GRIA3: variants seen among roughly 807,000 people sequenced by gnomAD.
GRIA3 encodes glutamate ionotropic receptor AMPA type subunit 3.
A neutral mutation model predicts 63.0 loss-of-function variants in GRIA3; 3 were observed. The observed-to-expected ratio is 0.05, with a 90% CI of 0.02 to 0.12. The LOEUF is 0.12. Ranked by LOEUF, GRIA3 falls within the 10% of genes least tolerant of loss-of-function variation. The probability of loss-of-function intolerance (pLI) is 1.00; values close to 1 mark genes in which losing one functional copy is unlikely to be tolerated. For synonymous variants in GRIA3, 274 were observed against 257.9 expected (o/e 1.06, Z -0.60); for missense variants, 347 against 700.9 (o/e 0.50, Z 5.70).
chrX:123,366,492 G>A (rs937678437), intron 5 of GRIA3, among the ~76,000 whole-genome samples: 3 of 111,568 alleles, frequency 2.7e-5, no homozygotes, highest in Admixed American at 9.5e-5. Context: ...TATGTCAAGG[G>A]CCATTTATAA....
At chrX:123,452,679 A>G (rs1345531466) in intron 12 of GRIA3, among the ~76,000 whole-genome samples, 1 of 112,166 alleles carries the variant, frequency 8.9e-6, no homozygotes, top group Non-Finnish European at 1.9e-5. Context: ...AAATAAAAAT[A>G]CATTTAATCC....
chrX:123,343,772 T>C (rs1046300009), intron 4 of GRIA3, among the ~76,000 whole-genome samples: 78 of 108,748 alleles, frequency 7.2e-4, no homozygotes, highest in African/African-American at 2.5e-3. Context: ...ATTTTTTTTT[T>C]TTTTTTAGAG....
At chrX:123,297,987 G>A (rs2044696948) in intron 3 of GRIA3, among the ~76,000 whole-genome samples, 1 of 110,864 alleles carries the variant, frequency 9.0e-6, no homozygotes, top group Non-Finnish European at 1.9e-5. Flanking sequence ...TTGTTTTTCT[G>A]TTCCTGTGTT....
At chrX:123,341,362 A>C (rs762005560) in intron 4 of GRIA3, among the ~76,000 whole-genome samples, 11 of 111,654 alleles carry the variant, frequency 9.9e-5, no homozygotes, top group Non-Finnish European at 1.9e-4. Flanking sequence ...CCATTGTACA[A>C]ATTCTTATTA....
Position 123,266,493 on chromosome X carries a change from A to G in GRIA3, c.508+12951A>G, listed in dbSNP as rs186200345. On this transcript the variant is annotated intron_variant, in intron 3 of 15. Transcript: ENST00000620443. ...ATCTCATCACCAAAGACCTTCGTCT[A>G]CGTTTCCACTGCCACTGACTCAAGC... Among the ~76,000 whole-genome samples the G allele has an allele frequency of 4.8e-3, 538 of 111,353 alleles. 1 individual carries two copies. Among genetic ancestry groups the G allele is most frequent in the Non-Finnish European group, 7.4e-3 (390 of 52,967 alleles).
intron 4 of GRIA3, among the ~76,000 whole-genome samples, chrX:123,342,517 G>A (rs921410541): frequency 3.6e-5 from 4 of 111,972 alleles, no homozygotes; most frequent in African/African-American, 1.3e-4. Flanking sequence ...ATTCAGACAA[G>A]GATCAAAATA....
intron 12 of GRIA3, among the ~76,000 whole-genome samples, chrX:123,438,680 G>A (rs1393697715): frequency 3.6e-5 from 4 of 111,418 alleles, no homozygotes; most frequent in Non-Finnish European, 7.5e-5. Flanking sequence ...ATGCCACCAC[G>A]CCCAACTAAT....
rs1346867298 is a variant in GRIA3 at position 123,395,003 on chromosome X, T to C, written c.786T>C (p.His262=). 6 of 1,190,563 alleles carry C rather than the reference T, an allele frequency of 5.0e-6. No homozygotes were observed. In the East Asian group the frequency reaches 1.5e-4, roughly 29 times the overall value. Residue 262 remains histidine (H), a synonymous_variant, in exon 6 of 16, where the codon CAT becomes CAC. Transcript: ENST00000620443. The part of the protein sequence containing the change: ...FTDILLERVM[H]GGANITGFQI... ...ATATTTTACTGGAAAGAGTCATGCA[T>C]GGGGGAGCCAACATTACAGGTTTCC...
intron 5 of GRIA3, among the ~76,000 whole-genome samples, chrX:123,374,287 C>T (rs972854954): frequency 1.1e-4 from 12 of 111,586 alleles, no homozygotes; most frequent in Non-Finnish European, 2.1e-4. Context: ...AGTCAGGTAG[C>T]GTGATGCCTC....
At chrX:123,394,475 T>A (rs918445536) in intron 5 of GRIA3, among the ~76,000 whole-genome samples, 4 of 112,156 alleles carry the variant, frequency 3.6e-5, no homozygotes, top group Non-Finnish European at 5.6e-5. Flanking sequence ...AACCAAGCTG[T>A]CAGTTTCACT....
At chrX:123,375,163 C>G (rs2045276362) in intron 5 of GRIA3, among the ~76,000 whole-genome samples, 1 of 111,549 alleles carries the variant, frequency 9.0e-6, no homozygotes, top group Admixed American at 9.5e-5. Context: ...TGAACTTTAT[C>G]AAATGCTTTT....
At chrX:123,233,787 G>A (rs1311002908) in intron 2 of GRIA3, among the ~76,000 whole-genome samples, 2 of 111,728 alleles carry the variant, frequency 1.8e-5, no homozygotes, top group Admixed American at 1.9e-4. Context: ...TGAGCAAGAT[G>A]TCTTCTGCCT....
chrX:123,404,628 GA>G (rs966275593), intron 9 of GRIA3, 79 bp from the exon 10 acceptor site: 5 of 720,975 alleles, frequency 6.9e-6, no homozygotes, highest in Non-Finnish European at 8.7e-6. Flanking sequence ...AATAGTCACA[GA>G]GGGGAAAAAT....
chrX:123,427,045 A>G, intron 11 of GRIA3, among the ~76,000 whole-genome samples: 1 of 111,899 alleles, frequency 8.9e-6, no homozygotes, highest in Middle Eastern at 4.6e-3. Context: ...CTTAGTTGTC[A>G]AAGGAGAAAG....
At chrX:123,275,488 A>T (rs1369442120) in intron 3 of GRIA3, among the ~76,000 whole-genome samples, 1 of 112,397 alleles carries the variant, frequency 8.9e-6, no homozygotes, top group Admixed American at 9.4e-5. Context: ...CCTTCCCACC[A>T]CATTTTCCAG....
At chrX:123,308,089 T>C (rs1342417528) in intron 3 of GRIA3, among the ~76,000 whole-genome samples, 1 of 111,522 alleles carries the variant, frequency 9.0e-6, no homozygotes, top group Non-Finnish European at 1.9e-5. Flanking sequence ...CATGTCCTGG[T>C]CCCCTGCTAG....
chrX:123,287,463 G>A (rs2044627678), intron 3 of GRIA3, among the ~76,000 whole-genome samples: 1 of 110,727 alleles, frequency 9.0e-6, no homozygotes, highest in Admixed American at 9.6e-5. Context: ...TAGGAAGACA[G>A]GAAGTCAAAT....
chrX:123,457,276 T>C (rs1262610421), intron 12 of GRIA3, among the ~76,000 whole-genome samples: 1 of 111,485 alleles, frequency 9.0e-6, no homozygotes, highest in Non-Finnish European at 1.9e-5. Flanking sequence ...GAAGCCATTA[T>C]ACTGTTAGTG....
chrX:123,276,302 T>A (rs1209288665), intron 3 of GRIA3, among the ~76,000 whole-genome samples: 1 of 111,989 alleles, frequency 8.9e-6, no homozygotes, highest in Non-Finnish European at 1.9e-5. Flanking sequence ...ACCTACTCCC[T>A]CCCTTGGGAT....
Sources: allele counts gnomAD v4.1 joint callset (sites outside exome capture counted in the v4.1 genomes callset), GRCh38; gene constraint gnomAD v4.1.1; transcripts MANE v1.5; gene names NCBI Gene and HGNC (gene_info 2026-07-23, HGNC 2026-07-21).